SYT1: variants seen among roughly 807,000 people sequenced by gnomAD.
The protein encoded by SYT1 is synaptotagmin 1.
SYT1 carries 8 observed loss-of-function variants against 44.8 expected under a neutral mutation model. That is an observed-to-expected ratio of 0.18 (90% confidence interval 0.10 to 0.32). The LOEUF is 0.32. SYT1 is among the 10% of genes least tolerant of loss of function. The probability of loss-of-function intolerance (pLI) is 1.00; values close to 1 mark genes in which losing one functional copy is unlikely to be tolerated. For synonymous variants in SYT1, 154 were observed against 188.8 expected (o/e 0.82, Z 1.51); for missense variants, 286 against 509.3 (o/e 0.56, Z 4.22).
At chr12:79,145,324 T>TA (rs1565825559) in intron 3 of SYT1, among the ~76,000 whole-genome samples, 1 of 152,138 alleles carries the variant, frequency 6.6e-6, no homozygotes, top group East Asian at 1.9e-4. Flanking sequence ...TTAACATTTT[T>TA]AAAAAATATG....
At chr12:79,360,928 G>A (rs1883294618) in intron 9 of SYT1, among the ~76,000 whole-genome samples, 3 of 152,174 alleles carry the variant, frequency 2.0e-5, no homozygotes, top group Admixed American at 1.3e-4. Flanking sequence ...TCCACAGAAT[G>A]GATAGAAATG....
chr12:79,441,580 G>A (rs747685627), intron 9 of SYT1, among the ~76,000 whole-genome samples: 7 of 152,164 alleles, frequency 4.6e-5, no homozygotes, highest in East Asian at 1.9e-4. Context: ...CTCCCAAAGC[G>A]CTGGGATTAC....
At chr12:79,338,540 T>G (rs555416213) in intron 8 of SYT1, among the ~76,000 whole-genome samples, 1 of 152,124 alleles carries the variant, frequency 6.6e-6, no homozygotes, top group Admixed American at 6.5e-5. Flanking sequence ...CCCAACAAAC[T>G]GGGATTACAA....
chr12:79,179,587 A>G (rs573616411), intron 3 of SYT1, among the ~76,000 whole-genome samples: 150 of 147,206 alleles, frequency 1.0e-3, no homozygotes, highest in African/African-American at 3.4e-3. Context: ...GGATATAGAT[A>G]TAGATTTTTT....
chr12:79,373,433 A>G (rs149130043), intron 9 of SYT1, among the ~76,000 whole-genome samples: 9 of 152,346 alleles, frequency 5.9e-5, no homozygotes, highest in Non-Finnish European at 1.0e-4. Flanking sequence ...AATTTGCTTT[A>G]TGAATGATAA....
intron 1 of SYT1, among the ~76,000 whole-genome samples, chr12:78,872,249 C>T (rs532910482): frequency 4.6e-5 from 7 of 151,706 alleles, no homozygotes; most frequent in Non-Finnish European, 8.8e-5. Context: ...AAGTTTCCAA[C>T]GACTTGTTTT....
intron 4 of SYT1, 77 bp from the exon 5 acceptor site, chr12:79,285,710 T>C: frequency 8.9e-7 from 1 of 1,122,844 alleles, no homozygotes; most frequent in Non-Finnish European, 1.3e-6. Context: ...AAAATGAATA[T>C]CTTTATAGCC....
intron 2 of SYT1, among the ~76,000 whole-genome samples, chr12:79,000,377 TC>T (rs1870661230): frequency 1.4e-5 from 2 of 140,096 alleles, no homozygotes; most frequent in African/African-American, 5.3e-5. Context: ...CAATGCAACC[TC>T]CGCCGCCTGG....
intron 2 of SYT1, among the ~76,000 whole-genome samples, chr12:79,045,058 T>G (rs1873910870): frequency 6.6e-6 from 1 of 152,032 alleles, no homozygotes; most frequent in Admixed American, 6.5e-5. Context: ...TCTGCAGAGG[T>G]TACTGCTGTC....
chr12:79,014,327 T>C (rs1201286773), intron 2 of SYT1, among the ~76,000 whole-genome samples: 1 of 152,166 alleles, frequency 6.6e-6, no homozygotes, highest in East Asian at 1.9e-4. Flanking sequence ...AAATACTTTA[T>C]ACTATTTAGA....
chr12:79,120,934 T>C (rs1306346071), intron 3 of SYT1, among the ~76,000 whole-genome samples: 1 of 147,092 alleles, frequency 6.8e-6, no homozygotes, highest in African/African-American at 2.5e-5. Flanking sequence ...TGTATGTATA[T>C]ATATCTATAT....
intron 3 of SYT1, among the ~76,000 whole-genome samples, chr12:79,082,734 A>T (rs1877118260): frequency 6.6e-6 from 1 of 152,168 alleles, no homozygotes; most frequent in African/African-American, 2.4e-5. Context: ...GAGCTAAGGC[A>T]AGAATTTTTA....
intron 4 of SYT1, among the ~76,000 whole-genome samples, chr12:79,237,635 G>C (rs1330138894): frequency 3.3e-5 from 5 of 152,132 alleles, no homozygotes; most frequent in African/African-American, 7.2e-5. Context: ...TCCAGCTCCA[G>C]AAGCTGCCCG....
intron 3 of SYT1, among the ~76,000 whole-genome samples, chr12:79,114,622 A>T (rs1379781876): frequency 6.6e-6 from 1 of 152,200 alleles, no homozygotes; most frequent in East Asian, 1.9e-4. Context: ...TCTTGATTGC[A>T]ATCATATCTT....
intron 2 of SYT1, among the ~76,000 whole-genome samples, chr12:78,982,527 G>A (rs1370430223): frequency 6.6e-6 from 1 of 152,106 alleles, no homozygotes; most frequent in Non-Finnish European, 1.5e-5. Flanking sequence ...AAGAGCAAAG[G>A]ATGAGTTTTG....
At chr12:79,330,905 A>G (rs1169760450) in intron 8 of SYT1, among the ~76,000 whole-genome samples, 1 of 152,150 alleles carries the variant, frequency 6.6e-6, no homozygotes, top group East Asian at 1.9e-4. Flanking sequence ...AGTCTTAATT[A>G]TGGCACTCAC....
intron 1 of SYT1, among the ~76,000 whole-genome samples, chr12:78,866,328 C>T (rs1873541884): frequency 1.3e-5 from 2 of 152,152 alleles, no homozygotes; most frequent in Admixed American, 1.3e-4. Context: ...TTAGAAGGCA[C>T]ATGGAGGCTC....
At chr12:79,444,982 C>T (rs1870625682) in intron 10 of SYT1, among the ~76,000 whole-genome samples, 1 of 151,926 alleles carries the variant, frequency 6.6e-6, no homozygotes, top group African/African-American at 2.4e-5. Flanking sequence ...CTTTAATGGG[C>T]ATCAGAGAGT....
At chr12:78,961,947 A>C (rs918470918) in intron 1 of SYT1, among the ~76,000 whole-genome samples, 4 of 152,222 alleles carry the variant, frequency 2.6e-5, no homozygotes, top group African/African-American at 9.6e-5. Context: ...ATATTATAAT[A>C]TTCTTACAAT....
Sources: allele counts gnomAD v4.1 joint callset (sites outside exome capture counted in the v4.1 genomes callset), GRCh38; gene constraint gnomAD v4.1.1; transcripts MANE v1.5; gene names NCBI Gene and HGNC (gene_info 2026-07-23, HGNC 2026-07-21).